Variants in NAV3 observed in about 807,000 individuals in gnomAD.
NAV3 encodes the protein pore membrane and/or filament interacting like protein 1.
In NAV3, 87 loss-of-function variants were observed where a neutral mutation model predicts 244.7. The observed-to-expected ratio is 0.36, with a 90% CI of 0.30 to 0.42. NAV3 has a LOEUF of 0.42. Among genes scored for constraint, NAV3 ranks in the 20% least tolerant of loss-of-function variants. The probability of loss-of-function intolerance (pLI) is 1.00; values close to 1 mark genes in which losing one functional copy is unlikely to be tolerated. For synonymous variants in NAV3, 1,126 were observed against 1,042.2 expected (o/e 1.08, Z -1.55); for missense variants, 2,663 against 2,893.3 (o/e 0.92, Z 1.83).
intron 2 of NAV3, among the ~76,000 whole-genome samples, chr12:77,607,427 CAAAAT>C (rs1870719097): frequency 6.6e-6 from 1 of 152,006 alleles, no homozygotes; most frequent in Admixed American, 6.6e-5. Context: ...ATGGAAAAGA[CAAAAT>C]AAAGGGAATC....
chr12:77,630,973 A>C (rs1021658774), intron 2 of NAV3, among the ~76,000 whole-genome samples: 2 of 152,302 alleles, frequency 1.3e-5, no homozygotes, highest in African/African-American at 4.8e-5. Flanking sequence ...GGCATACCAC[A>C]CTGTTTCCAT....
chr12:77,665,873 T>G (rs1376293959), intron 2 of NAV3, among the ~76,000 whole-genome samples: 2 of 152,146 alleles, frequency 1.3e-5, no homozygotes, highest in African/African-American at 4.8e-5. Flanking sequence ...ACAAAAGAAA[T>G]GTTATTTTGG....
intron 2 of NAV3, among the ~76,000 whole-genome samples, chr12:77,742,466 G>A (rs1868354653): frequency 6.6e-6 from 1 of 151,910 alleles, no homozygotes; most frequent in African/African-American, 2.4e-5. Context: ...ATTTGTGACA[G>A]TTTGAAAAAA....
chr12:77,964,801 AT>A (rs35181604), intron 3 of NAV3, among the ~76,000 whole-genome samples: 27 of 151,582 alleles, frequency 1.8e-4, no homozygotes, highest in South Asian at 8.3e-4. Flanking sequence ...ATTAATATAA[AT>A]TTTTTTTTCC....
intron 2 of NAV3, among the ~76,000 whole-genome samples, chr12:77,775,575 A>G (rs1469321389): frequency 6.6e-6 from 1 of 152,130 alleles, no homozygotes; most frequent in African/African-American, 2.4e-5. Flanking sequence ...TAAATCTTAT[A>G]ATAGCCTGTT....
chr12:77,616,689 A>G (rs1236154713), intron 2 of NAV3, among the ~76,000 whole-genome samples: 1 of 151,866 alleles, frequency 6.6e-6, no homozygotes, highest in East Asian at 1.9e-4. Context: ...TTTGTACTAC[A>G]TGCACACACA....
At chr12:77,979,308 C>T (rs1869102036) in intron 5 of NAV3, among the ~76,000 whole-genome samples, 1 of 151,366 alleles carries the variant, frequency 6.6e-6, no homozygotes, top group Admixed American at 6.6e-5. Context: ...GGGAGGATGG[C>T]TTGAAACTAA....
chr12:77,831,302 T>C lies in NAV3; in HGVS notation c.-160T>C, dbSNP rs1408425093. 1 of 675,260 alleles carries C rather than the reference T, an allele frequency of 1.5e-6. No individual in the cohort carries two copies. The highest frequency in any genetic ancestry group is 1.9e-5 in the African/African-American group (1 of 53,764). 41.8% of individuals were successfully genotyped at this position (675,260 alleles called of 1,614,324 possible). ...ATACTTAACTAAAGATGCAGGGAAG[T>C]TTTGCCTCTTCCTGAAAATTATATT... On this transcript the variant is annotated 5_prime_UTR_variant, in exon 1 of 40. Coordinates refer to ENST00000397909, the MANE Select transcript of NAV3 (RefSeq NM_001024383.2).
chr12:78,157,377 C>A (rs1000639827), intron 22 of NAV3, among the ~76,000 whole-genome samples: 15 of 145,912 alleles, frequency 1.0e-4, no homozygotes, highest in Non-Finnish European at 2.2e-4. Context: ...GGGTGAGGCA[C>A]TGTCTCTACA....
At position 77,613,906 on chromosome 12, in the gene NAV3, C is replaced by A. The variant is rs371151884; in HGVS notation, c.72+41640C>A. Reference sequence around the variant, plus strand: ...TTGATCTGATCCATGCGATGATGAACCCGTGATTCTAGTTTTCTCTTCTGC... The same window carrying A: ...TTGATCTGATCCATGCGATGATGAAACCGTGATTCTAGTTTTCTCTTCTGC... On this transcript the variant is annotated intron_variant, in intron 2 of 8. Coordinates refer to the NAV3 transcript ENST00000550042. Among the ~76,000 whole-genome samples, 18 of 152,064 alleles carry A rather than the reference C, an allele frequency of 1.2e-4. No individual in the cohort carries two copies. The South Asian group carries it at 3.1e-3, about 26-fold the overall frequency.
chr12:77,814,742 G>T (rs1413541711), intron 2 of NAV3, among the ~76,000 whole-genome samples: 1 of 152,084 alleles, frequency 6.6e-6, no homozygotes, highest in Admixed American at 6.6e-5. Flanking sequence ...TAAAATACTG[G>T]ATGTGCCAAC....
chr12:78,052,165 A>G (rs1412099642), intron 11 of NAV3: 1 of 152,212 alleles, frequency 6.6e-6, no homozygotes, highest in Non-Finnish European at 1.5e-5. Flanking sequence ...TCTTCTATAT[A>G]AGTGACCCTT....
At chr12:77,688,945 A>C (rs1592584381) in intron 2 of NAV3, among the ~76,000 whole-genome samples, 1 of 152,044 alleles carries the variant, frequency 6.6e-6, no homozygotes, top group East Asian at 1.9e-4. Flanking sequence ...AGATGGCCAA[A>C]TTTACATAGT....
At chr12:77,752,891 G>A (rs553375440) in intron 2 of NAV3, among the ~76,000 whole-genome samples, 5 of 152,222 alleles carry the variant, frequency 3.3e-5, no homozygotes, top group African/African-American at 1.2e-4. Flanking sequence ...AGACTGTCAG[G>A]TTAGGGTTCT....
intron 2 of NAV3, among the ~76,000 whole-genome samples, chr12:77,741,162 A>AAAG (rs1868326950): frequency 6.7e-6 from 1 of 149,220 alleles, no homozygotes; most frequent in East Asian, 1.9e-4. Flanking sequence ...AAAAAAAAAA[A>AAAG]AAAAGAAAAG....
chr12:78,136,786 T>A (rs1454572695), intron 18 of NAV3, among the ~76,000 whole-genome samples: 3 of 152,218 alleles, frequency 2.0e-5, no homozygotes, highest in Admixed American at 1.3e-4. Context: ...TATATTTTAC[T>A]TTCTTTTTGA....
At chr12:77,617,873 A>C (rs1871202352) in intron 2 of NAV3, among the ~76,000 whole-genome samples, 1 of 152,158 alleles carries the variant, frequency 6.6e-6, no homozygotes, top group Non-Finnish European at 1.5e-5. Flanking sequence ...GGAAAACTTA[A>C]ATTTTACAAT....
At chr12:77,849,873 G>A (rs1340133260) in intron 1 of NAV3, among the ~76,000 whole-genome samples, 2 of 152,086 alleles carry the variant, frequency 1.3e-5, no homozygotes, top group Admixed American at 1.3e-4. Context: ...ATCAAATATA[G>A]ACTTTTGAAT....
At chr12:77,781,740 A>C (rs1381121483) in intron 2 of NAV3, among the ~76,000 whole-genome samples, 1 of 152,192 alleles carries the variant, frequency 6.6e-6, no homozygotes, top group Non-Finnish European at 1.5e-5. Flanking sequence ...TTGGTTTACA[A>C]TCTGGAAGTT....
Sources: gnomAD v4.1 joint callset for allele counts (sites outside exome capture counted in the v4.1 genomes callset) on GRCh38, gnomAD v4.1.1 for gene constraint, MANE v1.5 for transcripts, NCBI Gene and HGNC (gene_info 2026-07-23, HGNC 2026-07-21) for gene names.